PCDHA6: variants seen among roughly 807,000 people sequenced by gnomAD.
The protein encoded by PCDHA6 is protocadherin alpha-6.
A neutral mutation model predicts 60.3 loss-of-function variants in PCDHA6; 55 were observed. The ratio of observed to expected loss-of-function variants is 0.91; its 90% CI spans 0.73 to 1.14. The LOEUF is 1.14. Among genes scored for constraint, PCDHA6 ranks in the 50% most tolerant of loss-of-function variants. The pLI is 0.00. For synonymous variants in PCDHA6, 652 were observed against 557.9 expected (o/e 1.17, Z -2.38); for missense variants, 1,327 against 1,256.5 (o/e 1.06, Z -0.85).
chr5:140,976,897 T>C (rs2096736712), intron 1 of PCDHA6, among the ~76,000 whole-genome samples: 1 of 152,220 alleles, frequency 6.6e-6, no homozygotes, highest in Admixed American at 6.5e-5. Flanking sequence ...CATGCAACAG[T>C]ATGTAATAAA....
At chr5:141,002,757 A>G (rs1234528731) in intron 3 of PCDHA6, among the ~76,000 whole-genome samples, 1 of 152,224 alleles carries the variant, frequency 6.6e-6, no homozygotes, top group African/African-American at 2.4e-5. Context: ...CAACCCTGTG[A>G]TGTAGACAGG....
intron 1 of PCDHA6, chr5:140,926,825 G>GT (rs1175916332): frequency 1.3e-6 from 2 of 1,499,578 alleles, no homozygotes; most frequent in Non-Finnish European, 1.8e-6. Flanking sequence ...CTCTCCAGGA[G>GT]TCCGGAGCAT....
chr5:140,828,250 G>C lies in PCDHA6; in HGVS notation c.159G>C (p.Gly53=). The C allele has an allele frequency of 1.2e-6, 2 of 1,613,982 alleles. No homozygotes were observed. Among genetic ancestry groups the C allele is most frequent in the Non-Finnish European group, 1.7e-6 (2 of 1,180,046 alleles). ...TGGGCCGGATCGCGCAGGACCTGGG[G>C]CTGGAGCTGGCGGAGCTGGTGCCGC... The part of the protein sequence containing the change: ...TFVGRIAQDL[G]LELAELVPRL... Residue 53 remains glycine (G), a synonymous_variant, in exon 1 of 4, where the codon GGG becomes GGC. Transcript: ENST00000529310.
At chr5:140,911,437 G>A (rs530362672) in intron 1 of PCDHA6, among the ~76,000 whole-genome samples, 3 of 152,166 alleles carry the variant, frequency 2.0e-5, no homozygotes, top group East Asian at 3.9e-4. Context: ...CCAATTTCCC[G>A]CAATTTCAGC....
Position 140,882,583 on chromosome 5 carries a change from C to T in PCDHA6, c.2394+52098C>T, listed in dbSNP as rs143956549. ...GGCGGAGCGCGGAGTGCAGCATCCA[C>T]CTGGAGGTGATCGTGGACAGGCCTC... On this transcript the variant is annotated intron_variant, in intron 1 of 3. Coordinates refer to ENST00000529310, the MANE Select transcript of PCDHA6 (RefSeq NM_018909.4). 2.3e-3 allele frequency: 3,635 copies of T among 1,614,232 alleles called. 15 individuals are homozygous for T. Among genetic ancestry groups the T allele is most frequent in the Middle Eastern group, 9.6e-3 (58 of 6,060 alleles).
At position 140,927,570 on chromosome 5, in the gene PCDHA6, A is replaced by G. The variant is rs568227710; in HGVS notation, c.2395-51379A>G. 5.0e-5 allele frequency: 80 copies of G among 1,614,066 alleles called. 1 individual carries two copies. Among genetic ancestry groups the G allele is most frequent in the Middle Eastern group, 4.9e-4 (3 of 6,084 alleles). On this transcript the variant is annotated intron_variant, in intron 1 of 3. Transcript: ENST00000529310. ...AAGTCACCATCATTGTGGTGGACAC[A>G]AATGACAACGCGCCTGTATTTGAGC...
intron 3 of PCDHA6, among the ~76,000 whole-genome samples, chr5:140,989,525 GAGGA>G (rs2097345403): frequency 6.6e-6 from 1 of 152,218 alleles, no homozygotes; most frequent in African/African-American, 2.4e-5. Flanking sequence ...GAGGGCAGAG[GAGGA>G]AGATAGTTTG....
chr5:140,975,503 CT>C (rs1189456467), intron 1 of PCDHA6, among the ~76,000 whole-genome samples: 3 of 152,178 alleles, frequency 2.0e-5, no homozygotes, highest in Non-Finnish European at 4.4e-5. Flanking sequence ...TAAAATAGCA[CT>C]ATGCAAAATC....
At chr5:140,834,356 G>T (rs2150215618) in intron 1 of PCDHA6, 43 of 1,542,626 alleles carry the variant, frequency 2.8e-5, no homozygotes, top group Non-Finnish European at 3.7e-5. Flanking sequence ...AAGTTTTGCT[G>T]ACTAGAAAAA....
At chr5:140,870,465 C>A in intron 1 of PCDHA6, 1 of 1,614,208 alleles carries the variant, frequency 6.2e-7, no homozygotes, top group Non-Finnish European at 8.5e-7. Flanking sequence ...CGCCTGCGTT[C>A]GCACAGCCCG....
chr5:140,857,552 T>G lies in PCDHA6; in HGVS notation c.2394+27067T>G, dbSNP rs782203645. 82 of 1,596,700 alleles carry G rather than the reference T, an allele frequency of 5.1e-5. 3 individuals carry two copies. The Middle Eastern group carries it at 9.6e-4, about 19-fold the overall frequency. ...GGTGGAGCGGCGGTTGGGCGAGCGC[T>G]CGCTGTCGAGCTACGTGTCGGTGCA... On this transcript the variant is annotated intron_variant, in intron 1 of 3. Transcript: ENST00000529310.
intron 1 of PCDHA6, chr5:140,966,387 C>G: frequency 2.5e-6 from 1 of 405,008 alleles, no homozygotes. Context: ...GGTTCGCTGT[C>G]CGCCACTTCG....
chr5:140,943,616 C>T (rs1221074220), intron 1 of PCDHA6, among the ~76,000 whole-genome samples: 3 of 152,048 alleles, frequency 2.0e-5, no homozygotes, highest in African/African-American at 7.3e-5. Context: ...TTTGATTCAT[C>T]TGCATAAGGA....
intron 1 of PCDHA6, chr5:140,836,721 C>G: frequency 1.9e-6 from 3 of 1,612,166 alleles, no homozygotes; most frequent in Non-Finnish European, 2.5e-6. Context: ...TCCTCAGGGT[C>G]CATCCTCTAC....
intron 1 of PCDHA6, chr5:140,929,006 C>G: frequency 6.2e-7 from 1 of 1,614,050 alleles, no homozygotes; most frequent in Non-Finnish European, 8.5e-7. Context: ...TTCGTGTGTA[C>G]CAAGTTGCAC....
chr5:140,902,724 C>T (rs1463381369), intron 1 of PCDHA6, among the ~76,000 whole-genome samples: 6 of 148,640 alleles, frequency 4.0e-5, no homozygotes, highest in Admixed American at 3.3e-4. Context: ...TCCCACCCTT[C>T]CCTCCAAGTC....
At chr5:140,867,441 G>C (rs1188505395) in intron 1 of PCDHA6, 1 of 152,032 alleles carries the variant, frequency 6.6e-6, no homozygotes, top group Non-Finnish European at 1.5e-5. Flanking sequence ...GCATTTACCT[G>C]AATTAGAGTT....
At chr5:141,003,368 G>C (rs2098121009) in intron 3 of PCDHA6, among the ~76,000 whole-genome samples, 1 of 152,190 alleles carries the variant, frequency 6.6e-6, no homozygotes, top group Non-Finnish European at 1.5e-5. Flanking sequence ...CTGGAGTGCA[G>C]TGGTGCAATC....
chr5:140,871,506 A>G, intron 1 of PCDHA6: 11 of 1,580,864 alleles, frequency 7.0e-6, no homozygotes, highest in Non-Finnish European at 8.6e-6. Flanking sequence ...TGAGTTTTCT[A>G]CAGATTCCAC....
Sources: allele counts gnomAD v4.1 joint callset (sites outside exome capture counted in the v4.1 genomes callset), GRCh38; gene constraint gnomAD v4.1.1; transcripts MANE v1.5; gene names NCBI Gene and HGNC (gene_info 2026-07-23, HGNC 2026-07-21).